The following FGG variants were observed in gnomAD, a reference collection of about 807,000 sequenced individuals.
FGG encodes fibrinogen gamma chain.
FGG carries 20 observed loss-of-function variants against 51.7 expected under a neutral mutation model. The observed-to-expected ratio is 0.39, with a 90% confidence interval of 0.27 to 0.56. FGG has a LOEUF of 0.56. FGG is among the 20% of genes least tolerant of loss of function. The pLI is 0.64. For missense variants in FGG, 460 were observed against 534.2 expected, an observed-to-expected ratio of 0.86 and a Z score of 1.37; for synonymous variants, 184 against 184.7, an observed-to-expected ratio of 1.00 and a Z score of 0.03.
intron 7 of FGG, 45 bp downstream of exon 7, chr4:154,608,421 G>T (rs1390089367): frequency 1.3e-6 from 2 of 1,577,688 alleles, no homozygotes; most frequent in Non-Finnish European, 1.7e-6. Context: ...GCACATTCCA[G>T]GCAATCTTTA....
intron 6 of FGG, 40 bp downstream of exon 6, chr4:154,609,590 G>A (rs1731162651): frequency 6.2e-7 from 1 of 1,611,926 alleles, no homozygotes; most frequent in Non-Finnish European, 8.5e-7. Context: ...CAGAAACAAT[G>A]TAGGAATTTA....
At chr4:154,609,176 C>G (rs1731155266) in intron 6 of FGG, among the ~76,000 whole-genome samples, 1 of 151,340 alleles carries the variant, frequency 6.6e-6, no homozygotes, top group Non-Finnish European at 1.5e-5. Context: ...CAAGTGTATC[C>G]TCTGGTGTGT....
chr4:154,610,611 C>T (rs1241124982), intron 4 of FGG, among the ~76,000 whole-genome samples: 3 of 152,164 alleles, frequency 2.0e-5, no homozygotes, highest in Non-Finnish European at 2.9e-5. Flanking sequence ...GGAACACCCC[C>T]TGATGCTTTA....
Position 154,604,853 on chromosome 4 carries a change from T to C in FGG, c.1343A>G (p.Tyr448Cys), listed in dbSNP as rs759092624. ...HPAETEYDSL[Y>C]PEDDL ...AATTTTCTACAAATCATCCTCAGGG[T>C]AAAGTGAGTCATATTCTGTTTCCGC... The change falls in exon 9 of 9, where the codon TAC becomes TGC. Residue 448 changes from tyrosine to cysteine, a missense_variant. By Grantham distance (194) the Tyr-to-Cys change is radical (BLOSUM62 -2). This residue lies in a region of FGG where 92 missense variants were observed against 93.7 expected (regional missense o/e 0.98). Coordinates refer to ENST00000336098, the MANE Select transcript of FGG (RefSeq NM_021870.3). 1.9e-6 allele frequency: 3 copies of C among 1,613,996 alleles called. No homozygotes were observed. Among genetic ancestry groups the C allele is most frequent in the Non-Finnish European group, 2.5e-6 (3 of 1,179,916 alleles).
chr4:154,611,686 A>G, intron 4 of FGG, 119 bp downstream of exon 4: 1 of 688,830 alleles, frequency 1.5e-6, no homozygotes, highest in South Asian at 1.9e-5. Context: ...AATCAGGCAT[A>G]ATGTCACTGG....
Position 154,610,184 on chromosome 4 carries a change from T to A in FGG, c.415A>T (p.Ile139Leu). 1.3e-6 allele frequency: 2 copies of A among 1,582,118 alleles called. No homozygotes were observed. The highest frequency in any genetic ancestry group is 2.2e-5 in the East Asian group (1 of 44,666). ...HDSSIRYLQE[I>L]YNSNNQKIVN... ...ATCTTTTGATTATTTGAATTATATA[T>A]TTCCTGCAAATATCTACAAACAGAA... The change falls in exon 5 of 9, where the codon ATA becomes TTA. Residue 139 changes from isoleucine (I) to leucine (L), a missense_variant. Coordinates refer to ENST00000336098, the MANE Select transcript of FGG (RefSeq NM_021870.3).
chr4:154,606,597 CCTA>C (rs1393893618), intron 8 of FGG, 105 bp downstream of exon 8: 18 of 1,232,420 alleles, frequency 1.5e-5, no homozygotes, highest in East Asian at 7.7e-5. Context: ...TGATAAAATC[CCTA>C]CTATCTTTAT....
In FGG at chr4:154,612,182, G is replaced by T; in HGVS notation, c.143C>A (p.Thr48Asn). Residue 48 changes from threonine to asparagine, a missense_variant, in exon 3 of 9, where the codon ACC becomes AAC. By Grantham distance (65) the Thr-to-Asn change is moderately conservative. Coordinates refer to ENST00000336098, the MANE Select transcript of FGG (RefSeq NM_021870.3). ...AGACAGGAAATCTGCAATGCCACAG[G>T]TAGTTGGACAATAACTACCCTGAAA... ...DERFGSYCPTTCGIADFLSTY... is the reference protein window; with the variant it reads ...DERFGSYCPTNCGIADFLSTY... The T allele has an allele frequency of 6.2e-7, 1 of 1,610,246 alleles. No individual in the cohort carries two copies. The highest frequency in any genetic ancestry group is 8.5e-7 in the Non-Finnish European group (1 of 1,178,140).
intron 8 of FGG, among the ~76,000 whole-genome samples, chr4:154,606,096 C>T (rs1476895509): frequency 2.6e-5 from 4 of 152,146 alleles, no homozygotes; most frequent in South Asian, 2.1e-4. Flanking sequence ...CCTTTAGCAT[C>T]GGTAAGGCTT....
chr4:154,607,977 C>A (rs746065546), intron 7 of FGG, among the ~76,000 whole-genome samples: 80 of 152,250 alleles, frequency 5.3e-4, no homozygotes, highest in Middle Eastern at 3.4e-3. Context: ...AAATGGCCAT[C>A]AAGGCACTGA....
At chr4:154,605,596 G>T (rs111877157) in intron 8 of FGG, among the ~76,000 whole-genome samples, 27 of 152,188 alleles carry the variant, frequency 1.8e-4, no homozygotes, top group African/African-American at 6.0e-4. Flanking sequence ...TCTGTAAAAG[G>T]CTTGTCAGAG....
rs6061 is a variant in FGG, at chr4:154,604,968, T to C, written c.1228A>G (p.Met410Val). 1.3e-5 allele frequency: 21 copies of C among 1,614,114 alleles called. No individual in the cohort carries two copies. The highest frequency in any genetic ancestry group is 1.7e-4 in the Middle Eastern group (1 of 6,060). ...AGTCTGTTGAATGGGATTATCTTCA[T>C]AGTGGTTTTCTTCATGGAATACCAC... ...TRWYSMKKTT[M>V]KIIPFNRLTI... Residue 410 changes from methionine (M) to valine (V), a missense_variant, in exon 9 of 9, where the codon ATG becomes GTG. Transcript: ENST00000336098.
chr4:154,610,055 T>C lies in FGG; in HGVS notation c.532+12A>G. The C allele has an allele frequency of 6.2e-7, 1 of 1,613,808 alleles. No homozygotes were observed. Among genetic ancestry groups the C allele is most frequent in the East Asian group, 2.2e-5 (1 of 44,858 alleles). On this transcript the variant is annotated intron_variant, in intron 5 of 8. Coordinates refer to ENST00000336098, the MANE Select transcript of FGG (RefSeq NM_021870.3). ...TGATGAACCTAATCCCAATATAACC[T>C]TCATCAGTTACCTTTCCCAGTGATA...
Position 154,612,535 on chromosome 4 carries a change from T to A in FGG, c.75A>T (p.Val25=), listed in dbSNP as rs11551839. The A allele has an allele frequency of 6.2e-6, 10 of 1,614,056 alleles. No homozygotes were observed. In the South Asian group the frequency reaches 9.9e-5, roughly 16 times the overall value. Residue 25 remains valine (V), a synonymous_variant, in exon 1 of 9, where the codon GTA becomes GTT. Transcript: ENST00000336098. ...YALLFLSSTC[V]AYVATRDNCC... Reference sequence around the variant, plus strand: ...GTTTTGTGAAGAGCACACTTACTGCTACACATGTTGAAGAGAGAAATAAAA... The same window carrying A: ...GTTTTGTGAAGAGCACACTTACTGCAACACATGTTGAAGAGAGAAATAAAA...
chr4:154,612,436 C>T lies in FGG; in HGVS notation c.79-1G>A, dbSNP rs1248975534. 1 of 1,613,758 alleles carries T rather than the reference C, an allele frequency of 6.2e-7. No individual in the cohort carries two copies. The highest frequency in any genetic ancestry group is 8.5e-7 in the Non-Finnish European group (1 of 1,179,900). On this transcript the variant is annotated splice_acceptor_variant, in intron 1 of 8. Transcript: ENST00000336098. LOFTEE classifies it high-confidence loss of function. ...AGCAGTTGTCTCTGGTAGCAACATA[C>T]TAAAAGAGAAAAAATACAGAAATTT...
chr4:154,608,076 A>G (rs1731132848), intron 7 of FGG, among the ~76,000 whole-genome samples: 1 of 152,186 alleles, frequency 6.6e-6, no homozygotes, highest in Admixed American at 6.5e-5. Flanking sequence ...TCTGAATTCT[A>G]CCTCTACCAC....
chr4:154,612,315 T>C (rs1233804044), intron 2 of FGG, 76 bp downstream of exon 2: 1 of 1,588,478 alleles, frequency 6.3e-7, no homozygotes, highest in Non-Finnish European at 8.6e-7. Context: ...CCAGATGATA[T>C]TTATGAGGGA....
At chr4:154,609,919 G>T in intron 5 of FGG, 148 bp downstream of exon 5, 1 of 1,491,858 alleles carries the variant, frequency 6.7e-7, no homozygotes, top group Non-Finnish European at 9.3e-7. Context: ...GTTTTTTTTA[G>T]CTATTCAAGA....
rs749095294 is a variant in FGG, at chr4:154,604,930, T to G, written c.1266A>C (p.Glu422Asp). Residue 422 changes from glutamate to aspartate, a missense_variant, in exon 9 of 9, where the codon GAA becomes GAC. By Grantham distance (45) the Glu-to-Asp change is conservative (BLOSUM62 2). Coordinates refer to ENST00000336098, the MANE Select transcript of FGG (RefSeq NM_021870.3). Reference protein sequence around the residue: ...IIPFNRLTIGEGQQHHLGGAK... With the variant: ...IIPFNRLTIGDGQQHHLGGAK... ...CTCCCCCCAGGTGGTGTTGCTGTCCTTCTCCAATTGTGAGTCTGTTGAATG... is the reference window on the plus strand; with the variant it reads ...CTCCCCCCAGGTGGTGTTGCTGTCCGTCTCCAATTGTGAGTCTGTTGAATG... The G allele has an allele frequency of 1.2e-6, 2 of 1,614,002 alleles. No homozygotes were observed. The highest frequency in any genetic ancestry group is 1.7e-6 in the Non-Finnish European group (2 of 1,179,978).
Sources: allele counts gnomAD v4.1 joint callset (sites outside exome capture counted in the v4.1 genomes callset), GRCh38; gene constraint gnomAD v4.1.1; regional missense constraint gnomAD v4.1.1; transcripts MANE v1.5; gene names NCBI Gene and HGNC (gene_info 2026-07-23, HGNC 2026-07-21).